AGBL4: variants seen among roughly 807,000 people sequenced by gnomAD.
AGBL4 encodes AGBL carboxypeptidase 4.
AGBL4 carries 58 observed loss-of-function variants against 66.4 expected under a neutral mutation model. The observed-to-expected ratio is 0.87, with a 90% CI of 0.71 to 1.09. The LOEUF is 1.09. AGBL4 is among the 50% of genes least tolerant of loss of function. AGBL4 has a pLI of 0.00. For synonymous variants in AGBL4, 234 were observed against 222.9 expected (o/e 1.05, Z -0.44); for missense variants, 579 against 631.0 (o/e 0.92, Z 0.88).
At chr1:48,956,911 C>G (rs1657497403) in intron 5 of AGBL4, among the ~76,000 whole-genome samples, 1 of 152,128 alleles carries the variant, frequency 6.6e-6, no homozygotes, top group Admixed American at 6.6e-5. Context: ...AGTAAATTTA[C>G]TTATCTAAAT....
At position 49,489,957 on chromosome 1, in the gene AGBL4, T is replaced by C. The variant is rs143377976; in HGVS notation, c.282+207356A>G. Among the ~76,000 whole-genome samples the C allele has an allele frequency of 5.3e-5, 8 of 151,842 alleles. No individual in the cohort carries two copies. The East Asian group carries it at 1.6e-3, about 29-fold the overall frequency. Reference sequence around the variant, plus strand: ...GTATAATTTTCTCTTGGATTTTCTATGTAGGAAATCATCATCTGGAAATAA... The same window carrying C: ...GTATAATTTTCTCTTGGATTTTCTACGTAGGAAATCATCATCTGGAAATAA... On this transcript the variant is annotated intron_variant, in intron 3 of 13. Coordinates refer to ENST00000371839, the MANE Select transcript of AGBL4 (RefSeq NM_032785.4).
intron 9 of AGBL4, among the ~76,000 whole-genome samples, chr1:48,624,576 CT>C (rs1355063524): frequency 1.3e-5 from 2 of 152,200 alleles, no homozygotes; most frequent in Non-Finnish European, 2.9e-5. Context: ...CAACTACCCT[CT>C]AGAGAGACGG....
At chr1:48,859,669 A>G (rs1195449700) in intron 6 of AGBL4, among the ~76,000 whole-genome samples, 1 of 152,244 alleles carries the variant, frequency 6.6e-6, no homozygotes, top group African/African-American at 2.4e-5. Flanking sequence ...CTGCAGTCCA[A>G]AAGGGACATG....
chr1:49,400,145 C>T (rs1645053623), intron 3 of AGBL4, among the ~76,000 whole-genome samples: 1 of 152,088 alleles, frequency 6.6e-6, no homozygotes, highest in African/African-American at 2.4e-5. Flanking sequence ...ACTGTGTTTT[C>T]CCCAGTGTAT....
At chr1:48,594,761 C>A (rs1644970228) in intron 9 of AGBL4, among the ~76,000 whole-genome samples, 1 of 152,116 alleles carries the variant, frequency 6.6e-6, no homozygotes, top group Admixed American at 6.5e-5. Flanking sequence ...TTGTGCATCT[C>A]TTCCCCACTG....
chr1:49,063,073 T>A (rs992352673), intron 4 of AGBL4, among the ~76,000 whole-genome samples: 1 of 152,200 alleles, frequency 6.6e-6, no homozygotes, highest in Non-Finnish European at 1.5e-5. Flanking sequence ...AATTAACTCA[T>A]CTACCAGCCT....
chr1:49,331,247 C>G (rs1645327657), intron 3 of AGBL4, among the ~76,000 whole-genome samples: 1 of 152,082 alleles, frequency 6.6e-6, no homozygotes, highest in South Asian at 2.1e-4. Context: ...CACATACCCT[C>G]TAGGAAGGGA....
chr1:49,698,761 T>TAAA (rs1201847295), intron 2 of AGBL4, among the ~76,000 whole-genome samples: 1 of 152,052 alleles, frequency 6.6e-6, no homozygotes, highest in Non-Finnish European at 1.5e-5. Flanking sequence ...GTTCATGATA[T>TAAA]AAAAATTAAA....
chr1:49,701,090 T>C (rs1647082927), intron 2 of AGBL4, among the ~76,000 whole-genome samples: 2 of 152,066 alleles, frequency 1.3e-5, no homozygotes, highest in Non-Finnish European at 2.9e-5. Context: ...ATTGAATTCA[T>C]CAGGATGGTA....
chr1:48,960,026 T>G (rs1571101986), intron 5 of AGBL4, among the ~76,000 whole-genome samples: 1 of 152,068 alleles, frequency 6.6e-6, no homozygotes, highest in South Asian at 2.1e-4. Context: ...GTAAAATAAA[T>G]CATAGTGAGT....
chr1:49,592,551 C>T (rs987326194), intron 3 of AGBL4, among the ~76,000 whole-genome samples: 1 of 152,054 alleles, frequency 6.6e-6, no homozygotes, highest in Non-Finnish European at 1.5e-5. Flanking sequence ...CCTGGGTACA[C>T]AGTGAGGCTC....
intron 3 of AGBL4, among the ~76,000 whole-genome samples, chr1:49,319,021 T>A (rs1469185282): frequency 6.6e-6 from 1 of 152,160 alleles, no homozygotes; most frequent in African/African-American, 2.4e-5. Flanking sequence ...CTGGACTTGA[T>A]TTTGGGGAAA....
intron 5 of AGBL4, among the ~76,000 whole-genome samples, chr1:48,892,362 C>CT (rs1287006528): frequency 6.6e-6 from 1 of 151,974 alleles, no homozygotes; most frequent in Non-Finnish European, 1.5e-5. Context: ...TCTCTTTTTT[C>CT]TTTTTTTTAA....
intron 1 of AGBL4, among the ~76,000 whole-genome samples, chr1:49,917,931 C>T (rs1339324193): frequency 2.6e-5 from 4 of 152,178 alleles, no homozygotes; most frequent in Non-Finnish European, 5.9e-5. Context: ...TTAAGAAACT[C>T]ACTCAAAACA....
chr1:49,859,724 A>G (rs761268776), intron 1 of AGBL4, among the ~76,000 whole-genome samples: 2 of 152,078 alleles, frequency 1.3e-5, no homozygotes, highest in African/African-American at 2.4e-5. Flanking sequence ...GCTCACTGTC[A>G]TCACTCTTAT....
At chr1:49,532,588 CAG>C (rs1651225343) in intron 3 of AGBL4, among the ~76,000 whole-genome samples, 1 of 152,050 alleles carries the variant, frequency 6.6e-6, no homozygotes, top group South Asian at 2.1e-4. Context: ...CACTGCAAGA[CAG>C]AAAAATGTTA....
At chr1:49,653,136 T>A (rs1157244173) in intron 3 of AGBL4, among the ~76,000 whole-genome samples, 1 of 152,102 alleles carries the variant, frequency 6.6e-6, no homozygotes, top group Non-Finnish European at 1.5e-5. Flanking sequence ...TTTGCTATTC[T>A]GCAGCCTCCA....
At chr1:49,817,768 G>A (rs1645267909) in intron 2 of AGBL4, among the ~76,000 whole-genome samples, 1 of 152,180 alleles carries the variant, frequency 6.6e-6, no homozygotes, top group South Asian at 2.1e-4. Context: ...CATTTGTAAT[G>A]CTGATCCAGC....
rs571567794 is a variant in AGBL4 at position 49,733,400 on chromosome 1, T to A, written c.158-35963A>T. ...AAGATGTTTTTCTCATTTCTACTTTTCTCTAAAAGGCACAATATCGTATAA... is the reference window on the plus strand; with the variant it reads ...AAGATGTTTTTCTCATTTCTACTTTACTCTAAAAGGCACAATATCGTATAA... On this transcript the variant is annotated intron_variant, in intron 2 of 13. Coordinates refer to ENST00000371839, the MANE Select transcript of AGBL4 (RefSeq NM_032785.4). Among the ~76,000 whole-genome samples the A allele has an allele frequency of 3.3e-5, 5 of 152,332 alleles. No individual in the cohort carries two copies. In the South Asian group the frequency reaches 1.0e-3, roughly 32 times the overall value.
Sources: allele counts gnomAD v4.1 joint callset (sites outside exome capture counted in the v4.1 genomes callset), GRCh38; gene constraint gnomAD v4.1.1; transcripts MANE v1.5; gene names NCBI Gene and HGNC (gene_info 2026-07-23, HGNC 2026-07-21).